Variants in DOCK10 observed in about 807,000 individuals in gnomAD.
DOCK10 encodes dedicator of cytokinesis protein 10.
In DOCK10, 145 loss-of-function variants were observed where a neutral mutation model predicts 280.1. That is an observed-to-expected ratio of 0.52 (90% CI 0.45 to 0.59). The LOEUF is 0.59. Ranked by LOEUF, DOCK10 falls within the 20% of genes least tolerant of loss-of-function variation. The probability of loss-of-function intolerance (pLI) is 0.00; values close to 1 mark genes in which losing one functional copy is unlikely to be tolerated. For missense variants in DOCK10, 2,368 were observed against 2,651.7 expected, an observed-to-expected ratio of 0.89 and a Z score of 2.35; for synonymous variants, 915 against 942.2, an observed-to-expected ratio of 0.97 and a Z score of 0.53.
At position 224,862,749 on chromosome 2, in the gene DOCK10, A is replaced by G; in HGVS notation, c.1603-3T>C. 1 of 1,573,726 alleles carries G rather than the reference A, an allele frequency of 6.4e-7. No homozygotes were observed. Among genetic ancestry groups the G allele is most frequent in the Middle Eastern group, 1.7e-4 (1 of 5,894 alleles). On this transcript the variant is annotated splice_polypyrimidine_tract_variant and splice_region_variant and intron_variant, in intron 13 of 55. Transcript: ENST00000258390. ...GATTTTAGTATCTTTTGTGCATACT[A>G]AAGAAAAAATAAATACAAATATTGT...
chr2:224,799,975 A>T (rs1559434176), intron 41 of DOCK10, among the ~76,000 whole-genome samples, 176 bp downstream of exon 41: 1 of 152,176 alleles, frequency 6.6e-6, no homozygotes, highest in Non-Finnish European at 1.5e-5. Context: ...ACATTAGTCA[A>T]CCTGTGATAA....
At chr2:224,849,769 C>G (rs1445410359) in intron 18 of DOCK10, among the ~76,000 whole-genome samples, 170 bp from the exon 19 acceptor site, 1 of 152,176 alleles carries the variant, frequency 6.6e-6, no homozygotes, top group Non-Finnish European at 1.5e-5. Context: ...GCCTACTACC[C>G]TGCATTTATT....
chr2:224,920,686 G>A (rs1701654196), intron 2 of DOCK10, among the ~76,000 whole-genome samples: 1 of 151,348 alleles, frequency 6.6e-6, no homozygotes, highest in South Asian at 2.1e-4. Flanking sequence ...CTATATTATG[G>A]CCATTATTAA....
Position 224,874,734 on chromosome 2 carries a change from C to T in DOCK10, c.949G>A (p.Val317Ile). The change falls in exon 9 of 56, where the codon GTA becomes ATA. Residue 317 changes from valine (V) to isoleucine (I), a missense_variant. By Grantham distance (29) the Val-to-Ile change is conservative. Transcript: ENST00000258390. ...DLGLDSLDNS[V>I]TCECTPEETD... ...TCCTCTGGCGTGCATTCACAAGTTA[C>T]AGAATTATCCAGCGAATCTTAAAAA... is the stretch of plus-strand genomic sequence containing the variant. 1 of 1,613,740 alleles carries T rather than the reference C, an allele frequency of 6.2e-7. No homozygotes were observed. Among genetic ancestry groups the T allele is most frequent in the South Asian group, 1.1e-5 (1 of 91,078 alleles).
At chr2:224,849,663 A>G in intron 18 of DOCK10, 64 bp from the exon 19 acceptor site, 1 of 1,195,306 alleles carries the variant, frequency 8.4e-7, no homozygotes. Flanking sequence ...GTGAAAAAAA[A>G]GTCCATAACT....
At chr2:224,775,895 G>T (rs1690821296) in intron 51 of DOCK10, among the ~76,000 whole-genome samples, 1 of 152,258 alleles carries the variant, frequency 6.6e-6, no homozygotes, top group African/African-American at 2.4e-5. Context: ...TTGTGCCGAG[G>T]AGGGAGATTC....
intron 1 of DOCK10, among the ~76,000 whole-genome samples, chr2:224,973,751 C>A (rs749625206): frequency 9.2e-5 from 14 of 152,182 alleles, no homozygotes; most frequent in Non-Finnish European, 1.9e-4. Context: ...TCACGACTCT[C>A]ATTTTACAGA....
At chr2:224,940,177 G>C (rs901210413) in intron 1 of DOCK10, among the ~76,000 whole-genome samples, 1 of 151,956 alleles carries the variant, frequency 6.6e-6, no homozygotes, top group Non-Finnish European at 1.5e-5. Flanking sequence ...TCATTTCTGG[G>C]GCTACACTCC....
At chr2:225,024,124 A>G (rs1286583410) in intron 1 of DOCK10, among the ~76,000 whole-genome samples, 1 of 152,238 alleles carries the variant, frequency 6.6e-6, no homozygotes. Context: ...TGTATTTTTC[A>G]ACATTTCGAG....
At chr2:225,009,822 T>C (rs953207842) in intron 1 of DOCK10, among the ~76,000 whole-genome samples, 3 of 152,174 alleles carry the variant, frequency 2.0e-5, no homozygotes, top group African/African-American at 7.2e-5. Flanking sequence ...TTTAATGATA[T>C]GGTCAAGTCA....
At chr2:224,807,286 G>T in intron 33 of DOCK10, 1 of 186,998 alleles carries the variant, frequency 5.3e-6, no homozygotes, top group Non-Finnish European at 1.1e-5. Context: ...GTCACTCCTG[G>T]GTTGTGACTA....
chr2:224,857,736 G>A (rs749864425), intron 14 of DOCK10, among the ~76,000 whole-genome samples: 2 of 151,718 alleles, frequency 1.3e-5, no homozygotes, highest in African/African-American at 2.4e-5. Flanking sequence ...ATTACACAAT[G>A]TGTGGTCAAA....
At position 224,924,484 on chromosome 2, in the gene DOCK10, C is replaced by T. The variant is rs201248718; in HGVS notation, c.243+7065G>A. 5.9e-5 allele frequency among the ~76,000 whole-genome samples: 9 copies of T among 152,168 alleles called. No individual in the cohort carries two copies. The East Asian group carries it at 1.7e-3, about 29-fold the overall frequency. ...TGGGACTGGCTTCTTTCACTTAATA[C>T]AATATATTCAAGGTTGATCTAAATT... On this transcript the variant is annotated intron_variant, in intron 2 of 55. Transcript: ENST00000258390.
intron 28 of DOCK10, among the ~76,000 whole-genome samples, chr2:224,819,937 G>A: frequency 6.6e-6 from 1 of 152,236 alleles, no homozygotes; most frequent in East Asian, 1.9e-4. Context: ...TTTTTATACA[G>A]AAAGCTTTAG....
In DOCK10 at chr2:224,993,025, G is replaced by T. The variant is rs955832526; in HGVS notation, c.123+49227C>A. Among the ~76,000 whole-genome samples the T allele has an allele frequency of 3.6e-4, 55 of 152,096 alleles. 1 individual carries two copies. Among genetic ancestry groups the T allele is most frequent in the African/African-American group, 1.3e-3 (54 of 41,418 alleles). ...CATCACCAACAGTGTCACAAAAGAG[G>T]TAGGAGCACTGAAAAATGAGGTGTA... On this transcript the variant is annotated intron_variant, in intron 1 of 55. Transcript: ENST00000258390.
rs1048660019 is a variant in DOCK10 at position 225,042,243 on chromosome 2, C to T, written c.123+9G>A. 63 of 1,271,734 alleles carry T rather than the reference C, an allele frequency of 5.0e-5. No individual in the cohort carries two copies. The highest frequency in any genetic ancestry group is 6.0e-5 in the Non-Finnish European group (61 of 1,011,502). The allele number at this position is 1,271,734 out of a possible 1,614,324, so 78.8% of individuals were successfully genotyped here. Reference sequence around the variant, plus strand: ...GCGCGGGAAGGCGCGGAGGACGCGCCGCACTCACCCGCTGCTGCTGCCGGC... The same window carrying T: ...GCGCGGGAAGGCGCGGAGGACGCGCTGCACTCACCCGCTGCTGCTGCCGGC... On this transcript the variant is annotated intron_variant, in intron 1 of 55. Coordinates refer to ENST00000258390, the MANE Select transcript of DOCK10 (RefSeq NM_014689.3). The surrounding 1 kb of genome is among the most constrained non-coding windows in gnomAD (Gnocchi z 5.1).
intron 19 of DOCK10, among the ~76,000 whole-genome samples, chr2:224,848,374 T>A (rs956196380): frequency 9.9e-5 from 15 of 152,190 alleles, no homozygotes; most frequent in African/African-American, 3.4e-4. Flanking sequence ...AGAAATTAAA[T>A]TTTTTCACTG....
At chr2:224,877,227 C>T (rs1698683048) in intron 7 of DOCK10, among the ~76,000 whole-genome samples, 1 of 152,196 alleles carries the variant, frequency 6.6e-6, no homozygotes, top group Non-Finnish European at 1.5e-5. Context: ...AAGTTCTTGT[C>T]CTCCAGAGCA....
At chr2:224,880,464 G>A (rs1698915026) in intron 7 of DOCK10, among the ~76,000 whole-genome samples, 2 of 152,142 alleles carry the variant, frequency 1.3e-5, no homozygotes. Flanking sequence ...TAATAATTTT[G>A]AAGTATGATT....
Sources: gnomAD v4.1 joint callset for allele counts (sites outside exome capture counted in the v4.1 genomes callset) on GRCh38, gnomAD v4.1.1 for gene constraint, Gnocchi (gnomAD v3.1) non-coding constraint, MANE v1.5 for transcripts, NCBI Gene and HGNC (gene_info 2026-07-23, HGNC 2026-07-21) for gene names.